Variants in DCAF6 observed in about 807,000 individuals in gnomAD.
The protein encoded by DCAF6 is DDB1- and CUL4-associated factor 6.
Under a neutral mutation model 125.1 loss-of-function variants are expected in DCAF6, and 54 were observed. That is an observed-to-expected ratio of 0.43 (90% CI 0.35 to 0.54). The LOEUF (loss-of-function observed/expected upper bound fraction) is 0.54. DCAF6 is among the 20% of genes least tolerant of loss of function. The pLI, the probability that DCAF6 is intolerant of heterozygous loss-of-function variation, is 0.01. For missense variants in DCAF6, 934 were observed against 1,161.7 expected (o/e 0.80, Z 2.85); for synonymous variants, 371 against 390.4 (o/e 0.95, Z 0.58).
the DCAF6 span, among the ~76,000 whole-genome samples, chr1:167,927,371 C>T: frequency 6.6e-6 from 1 of 152,184 alleles, no homozygotes; most frequent in Non-Finnish European, 1.5e-5. Context: ...TCTGGGATTC[C>T]TATCATTACA....
chr1:168,004,012 G>C, intron 9 of DCAF6, 23 bp downstream of exon 9: 2 of 1,604,588 alleles, frequency 1.2e-6, no homozygotes, highest in Non-Finnish European at 1.7e-6. Flanking sequence ...GTTAATTAAA[G>C]TCATCAGAAA....
At chr1:167,908,297 G>A in the DCAF6 span, among the ~76,000 whole-genome samples, 3,211 of 152,134 alleles carry the variant, frequency 0.021, 100 homozygotes, top group African/African-American at 0.069. Flanking sequence ...GAAATAAGCC[G>A]GCCACAGAAA....
intron 3 of DCAF6, among the ~76,000 whole-genome samples, chr1:167,970,888 A>G (rs1190712889): frequency 6.6e-6 from 1 of 152,168 alleles, no homozygotes; most frequent in Non-Finnish European, 1.5e-5. Flanking sequence ...TTAATTATAT[A>G]TAGCATAGAG....
At position 167,936,807 on chromosome 1, in the gene DCAF6, GCGCGGA is replaced by G; in HGVS notation, c.-104_-99del. The G allele has an allele frequency of 9.6e-7, 1 of 1,042,950 alleles. No homozygotes were observed. The highest frequency in any genetic ancestry group is 1.4e-6 in the Non-Finnish European group (1 of 706,026). 64.6% of individuals were successfully genotyped at this position (1,042,950 alleles called of 1,614,324 possible). A position where few individuals can be genotyped will look rare whatever the true frequency, so the allele number is the denominator to read the frequency against. Reference sequence around the variant, plus strand: ...TAACGCTGCGCCCTGGAGGCCCGGCGCGCGGATGGTGCCGGTGCGGCTCGGGTGTTG... The same window carrying G: ...TAACGCTGCGCCCTGGAGGCCCGGCGTGGTGCCGGTGCGGCTCGGGTGTTG... On this transcript the variant is annotated 5_prime_UTR_variant, in exon 1 of 22. The change abolishes an upstream ATG in the 5' untranslated region. Coordinates refer to ENST00000367840, the MANE Select transcript of DCAF6 (RefSeq NM_001198956.2).
chr1:167,981,835 A>G (rs1436025623), intron 4 of DCAF6, among the ~76,000 whole-genome samples: 1 of 152,138 alleles, frequency 6.6e-6, no homozygotes, highest in Non-Finnish European at 1.5e-5. Context: ...GCTGCGATGA[A>G]CATGTGAGTG....
At chr1:168,052,264 T>C (rs1010581612) in intron 17 of DCAF6, among the ~76,000 whole-genome samples, 2 of 152,240 alleles carry the variant, frequency 1.3e-5, no homozygotes, top group African/African-American at 4.8e-5. Context: ...TTTATACTTT[T>C]TATCACAAGT....
the DCAF6 span, among the ~76,000 whole-genome samples, chr1:167,889,454 T>C: frequency 6.6e-6 from 1 of 152,016 alleles, no homozygotes; most frequent in South Asian, 2.1e-4. Flanking sequence ...ATCTTTTTAA[T>C]ATGTTGTTGA....
chr1:168,072,252 G>A (rs575294083), intron 21 of DCAF6, among the ~76,000 whole-genome samples: 18 of 120,474 alleles, frequency 1.5e-4, no homozygotes, highest in South Asian at 1.4e-3. Context: ...AGCCGAGATC[G>A]CACCACTGCA....
At chr1:167,938,009 C>T (rs1450637845) in intron 1 of DCAF6, among the ~76,000 whole-genome samples, 1 of 152,124 alleles carries the variant, frequency 6.6e-6, no homozygotes, top group Non-Finnish European at 1.5e-5. Flanking sequence ...TTACAACCAA[C>T]AGTTCTGGTT....
intron 1 of DCAF6, among the ~76,000 whole-genome samples, chr1:167,948,694 C>T (rs918943891): frequency 1.3e-5 from 2 of 152,094 alleles, no homozygotes; most frequent in African/African-American, 4.8e-5. Flanking sequence ...CTCTGTTGCC[C>T]AGGCTGGAGT....
At chr1:167,916,824 A>ATGCC in the DCAF6 span, 2 of 152,232 alleles carry the variant, frequency 1.3e-5, no homozygotes, top group Non-Finnish European at 2.9e-5. Context: ...GTGCACACCC[A>ATGCC]TGCCAAACAC....
chr1:168,001,192 C>T (rs936102223), intron 7 of DCAF6, among the ~76,000 whole-genome samples: 1 of 151,992 alleles, frequency 6.6e-6, no homozygotes, highest in African/African-American at 2.4e-5. Context: ...ACTCAGGAAG[C>T]TGTGGCTGGA....
chr1:167,993,971 TTAC>T (rs1338507153), intron 7 of DCAF6, among the ~76,000 whole-genome samples: 5 of 152,100 alleles, frequency 3.3e-5, no homozygotes, highest in Admixed American at 3.3e-4. Context: ...TAGTTACTAA[TTAC>T]TAATAGTTAC....
rs1381109183 is a variant in DCAF6, at chr1:168,009,378, CCTTCCTTCCTTTCTTT to C, written c.1378+4589_1378+4604del. Among the ~76,000 whole-genome samples, 41 of 119,246 alleles carry C rather than the reference CCTTCCTTCCTTTCTTT, an allele frequency of 3.4e-4. No individual in the cohort carries two copies. The East Asian group carries it at 4.1e-3, about 12-fold the overall frequency. 78.2% of individuals were successfully genotyped at this position (119,246 alleles called of 152,430 possible). On this transcript the variant is annotated intron_variant, in intron 10 of 21. Transcript: ENST00000367840. Reference sequence around the variant, plus strand: ...TCCTTCCTTCCTTCCTTCCTTCCTTCCTTCCTTCCTTTCTTTCTTTCTTTCTCTCTCTCTCTTTTGT... The same window carrying C: ...TCCTTCCTTCCTTCCTTCCTTCCTTCCTTTCTTTCTCTCTCTCTCTTTTGT...
intron 12 of DCAF6, among the ~76,000 whole-genome samples, chr1:168,033,605 C>G (rs1485340661): frequency 1.3e-5 from 2 of 152,134 alleles, no homozygotes; most frequent in African/African-American, 4.8e-5. Context: ...GTGTGAGCCA[C>G]CGCGCCCGGC....
upstream of DCAF6, among the ~76,000 whole-genome samples, chr1:167,934,146 T>C (rs552247511): frequency 1.5e-4 from 23 of 152,316 alleles, no homozygotes; most frequent in Non-Finnish European, 2.9e-4. Context: ...AAGTGAAAGG[T>C]AATCCCTCTT....
At chr1:167,904,343 C>T in the DCAF6 span, among the ~76,000 whole-genome samples, 2 of 152,102 alleles carry the variant, frequency 1.3e-5, no homozygotes, top group Admixed American at 6.6e-5. Flanking sequence ...TCCTCGGCCT[C>T]CAAAAGTGTT....
chr1:167,994,082 A>T (rs992431806), intron 7 of DCAF6, among the ~76,000 whole-genome samples: 1 of 151,990 alleles, frequency 6.6e-6, no homozygotes, highest in African/African-American at 2.4e-5. Context: ...TATAATTAAT[A>T]GTAAATAATT....
chr1:168,007,591 C>A (rs771217130), intron 10 of DCAF6, among the ~76,000 whole-genome samples: 26 of 152,048 alleles, frequency 1.7e-4, no homozygotes, highest in Middle Eastern at 3.2e-3. Flanking sequence ...ATTTTTCGAC[C>A]CGGTTGCATT....
Sources: allele counts gnomAD v4.1 joint callset (sites outside exome capture counted in the v4.1 genomes callset), GRCh38; gene constraint gnomAD v4.1.1; transcripts MANE v1.5; gene names NCBI Gene and HGNC (gene_info 2026-07-23, HGNC 2026-07-21).